The following CBX3 variants were observed in gnomAD, a reference collection of about 807,000 sequenced individuals.
CBX3 encodes chromobox protein homolog 3.
CBX3 carries 5 observed loss-of-function variants against 22.6 expected under a neutral mutation model. The observed-to-expected ratio is 0.22, with a 90% CI of 0.12 to 0.47. The LOEUF (loss-of-function observed/expected upper bound fraction) is 0.47. Ranked by LOEUF, CBX3 falls within the 20% of genes least tolerant of loss-of-function variation. CBX3 has a pLI of 0.99. For synonymous variants in CBX3, 50 were observed against 66.6 expected, an observed-to-expected ratio of 0.75 and a Z score of 1.21; for missense variants, 83 against 208.1, an observed-to-expected ratio of 0.40 and a Z score of 3.70.
At chr7:26,210,553 T>A (rs1784779831) in intron 4 of CBX3, 1 of 152,218 alleles carries the variant, frequency 6.6e-6, no homozygotes, top group Non-Finnish European at 1.5e-5. Context: ...GATGTAAAAC[T>A]CTGACAGGAA....
chr7:26,206,456 G>A lies in CBX3; in HGVS notation c.113G>A (p.Arg38Gln), dbSNP rs1784678853. Residue 38 changes from arginine to glutamine, a missense_variant, in exon 3 of 6, where the codon CGA (arginine) becomes CAA (glutamine). Transcript: ENST00000396386. ...TTTGTCGTGGAAAAAGTACTAGATC[G>A]ACGTGTAGTGAATGGGAAAGTGGAA... ...EEFVVEKVLDRRVVNGKVEYF... is the reference protein window; with the variant it reads ...EEFVVEKVLDQRVVNGKVEYF... The A allele has an allele frequency of 3.7e-6, 6 of 1,613,994 alleles. No individual in the cohort carries two copies. The highest frequency in any genetic ancestry group is 2.2e-5 in the East Asian group (1 of 44,862).
intron 2 of CBX3, among the ~76,000 whole-genome samples, chr7:26,204,765 T>C (rs1361646058): frequency 6.6e-6 from 1 of 152,096 alleles, no homozygotes; most frequent in African/African-American, 2.4e-5. Context: ...AAGGTTTATC[T>C]TTTTTAAATA....
At position 26,212,079 on chromosome 7, in the gene CBX3, C is replaced by A. The variant is rs1784812371; in HGVS notation, c.426-3C>A. Reference sequence around the variant, plus strand: ...AACTGAATTTTTCTTTTTCTTAAAACAGGAAAGATTCAGATGAGGCAGACT... The same window carrying A: ...AACTGAATTTTTCTTTTTCTTAAAAAAGGAAAGATTCAGATGAGGCAGACT... On this transcript the variant is annotated splice_polypyrimidine_tract_variant and splice_region_variant and intron_variant, in intron 5 of 5. Transcript: ENST00000396386. 9.7e-7 allele frequency: 1 copy of A among 1,034,796 alleles called. No homozygotes were observed. The highest frequency in any genetic ancestry group is 1.3e-6 in the Non-Finnish European group (1 of 760,416). The allele number at this position is 1,034,796 out of a possible 1,614,324, so 64.1% of individuals were successfully genotyped here.
intron 5 of CBX3, 92 bp from the exon 6 acceptor site, chr7:26,211,990 T>A (rs1373318557): frequency 8.3e-7 from 1 of 1,200,414 alleles, no homozygotes; most frequent in South Asian, 2.0e-5. Flanking sequence ...CTTCAATACC[T>A]TTTGTTTGGA....
intron 5 of CBX3, 86 bp downstream of exon 5, chr7:26,211,842 GA>G: frequency 9.6e-7 from 1 of 1,046,754 alleles, no homozygotes; most frequent in Non-Finnish European, 1.4e-6. Flanking sequence ...ATTAGGTAGG[GA>G]AAAACTATCT....
Position 26,202,809 on chromosome 7 carries a change from A to G in CBX3, c.-28-162A>G, listed in dbSNP as rs549936180. On this transcript the variant is annotated intron_variant, in intron 1 of 5. Coordinates refer to ENST00000396386, the MANE Select transcript of CBX3 (RefSeq NM_016587.4). ...ACATGGTTAGGACACGTACTTAAGTACATCATAAGCAATGTAGGTAGGAGC... is the reference window on the plus strand; with the variant it reads ...ACATGGTTAGGACACGTACTTAAGTGCATCATAAGCAATGTAGGTAGGAGC... The G allele has an allele frequency of 4.0e-4, 253 of 634,136 alleles. 1 individual carries two copies. In the Middle Eastern group the frequency reaches 0.013, roughly 33 times the overall value. The allele number at this position is 634,136 out of a possible 1,614,324, so 39.3% of individuals were successfully genotyped here.
intron 2 of CBX3, among the ~76,000 whole-genome samples, chr7:26,205,274 C>T (rs150719027): frequency 2.6e-5 from 4 of 152,132 alleles, no homozygotes; most frequent in African/African-American, 4.8e-5. Context: ...TGGTTTCCTG[C>T]TTCTCTTAAA....
rs775068117 is a variant in CBX3 at position 26,202,956 on chromosome 7, C to T, written c.-28-15C>T. On this transcript the variant is annotated splice_polypyrimidine_tract_variant and intron_variant, in intron 1 of 5. Coordinates refer to ENST00000396386, the MANE Select transcript of CBX3 (RefSeq NM_016587.4). The stretch of plus-strand genomic sequence containing the variant: ...TGTCATGCAAACTTACCTTAACTGT[C>T]ATGCATTTTTCTAGTAATAGCTCTT... The T allele has an allele frequency of 3.2e-6, 5 of 1,542,168 alleles. No individual in the cohort carries two copies. Among genetic ancestry groups the T allele is most frequent in the African/African-American group, 2.7e-5 (2 of 73,252 alleles).
intron 4 of CBX3, among the ~76,000 whole-genome samples, chr7:26,209,003 G>A (rs1190118679): frequency 7.8e-6 from 1 of 127,412 alleles, no homozygotes; most frequent in Non-Finnish European, 1.6e-5. Flanking sequence ...TAGTGGTGCA[G>A]TTTCGGCTCA....
rs767568353 is a variant in CBX3, at chr7:26,206,484, T to C, written c.141T>C (p.Tyr47=). The C allele has an allele frequency of 3.7e-6, 6 of 1,613,786 alleles. No homozygotes were observed. Among genetic ancestry groups the C allele is most frequent in the Admixed American group, 3.3e-5 (2 of 59,974 alleles). ...DRRVVNGKVE[Y]FLKWKGFTDA... is the part of the protein sequence containing the mutation. ...GTGTAGTGAATGGGAAAGTGGAATA[T>C]TTCCTGAAGTGGAAGGGATTTACAG... The change falls in exon 3 of 6, where the codon TAT becomes TAC. Residue 47 remains tyrosine, a synonymous_variant. Coordinates refer to ENST00000396386, the MANE Select transcript of CBX3 (RefSeq NM_016587.4).
rs1166461938 is a variant in CBX3 at position 26,213,428 on chromosome 7, C to CT, written c.*1223dup. The CT allele has an allele frequency of 6.6e-6, 1 of 152,224 alleles. No homozygotes were observed. The highest frequency in any genetic ancestry group is 1.5e-5 in the Non-Finnish European group (1 of 68,012). The allele number at this position is 152,224 out of a possible 1,614,324, so 9.4% of individuals were successfully genotyped here. A position where few individuals can be genotyped will look rare whatever the true frequency, so the allele number is the denominator to read the frequency against. Reference sequence around the variant, plus strand: ...GAAATGCCCACACTCATTGGATTATCTTTGTTTATAAGTTAGATGATACCA... The same window carrying CT: ...GAAATGCCCACACTCATTGGATTATCTTTTGTTTATAAGTTAGATGATACCA... On this transcript the variant is annotated 3_prime_UTR_variant, in exon 6 of 6. Transcript: ENST00000396386.
chr7:26,208,141 T>C, intron 3 of CBX3: 1 of 271,090 alleles, frequency 3.7e-6, no homozygotes, highest in Non-Finnish European at 7.1e-6. Context: ...GAGGATCGCT[T>C]GAGTCGGGAG....
At chr7:26,201,642 C>G (rs1197734790), upstream of CBX3, 1 of 145,216 alleles carries the variant, frequency 6.9e-6, no homozygotes. Flanking sequence ...GCCCCTCCCC[C>G]CGCCGGGCGC....
chr7:26,211,979 A>C, intron 5 of CBX3, 103 bp from the exon 6 acceptor site: 1 of 1,039,968 alleles, frequency 9.6e-7, no homozygotes, highest in South Asian at 2.2e-5. Context: ...CTCCTGGAGC[A>C]CTTCAATACC....
At chr7:26,211,940 A>G in intron 5 of CBX3, 142 bp from the exon 6 acceptor site, 2 of 887,740 alleles carry the variant, frequency 2.3e-6, no homozygotes, top group Non-Finnish European at 3.3e-6. Context: ...AATGAAGTTT[A>G]TTAGAACATA....
At chr7:26,211,989 C>T (rs901034901) in intron 5 of CBX3, 93 bp from the exon 6 acceptor site, 2 of 1,192,646 alleles carry the variant, frequency 1.7e-6, no homozygotes, top group African/African-American at 1.6e-5. Flanking sequence ...ACTTCAATAC[C>T]TTTTGTTTGG....
rs1784835283 is a variant in CBX3 at position 26,212,647 on chromosome 7, T to C, written c.*439T>C. On this transcript the variant is annotated 3_prime_UTR_variant, in exon 6 of 6. Transcript: ENST00000396386. ...AATGCATATGTAAATTTTTTTTTGTTTTTAAGCATTCACCCAAACAAAAAA... is the reference window on the plus strand; with the variant it reads ...AATGCATATGTAAATTTTTTTTTGTCTTTAAGCATTCACCCAAACAAAAAA... The C allele has an allele frequency of 6.6e-6, 1 of 152,254 alleles. No homozygotes were observed. Among genetic ancestry groups the C allele is most frequent in the South Asian group, 2.1e-4 (1 of 4,832 alleles). 9.4% of individuals were successfully genotyped at this position (152,254 alleles called of 1,614,324 possible).
intron 4 of CBX3, chr7:26,210,054 CCAAAG>C (rs983093935): frequency 6.6e-6 from 1 of 152,064 alleles, no homozygotes; most frequent in African/African-American, 2.4e-5. Flanking sequence ...CCTTGGGAAA[CCAAAG>C]CAGGAACATC....
chr7:26,206,263 T>A (rs1055464644), intron 2 of CBX3, 105 bp from the exon 3 acceptor site: 200 of 720,102 alleles, frequency 2.8e-4, no homozygotes, highest in Non-Finnish European at 4.7e-5. Context: ...GATATAGAAG[T>A]AAAAATTTAT....
Sources: gnomAD v4.1 joint callset for allele counts (sites outside exome capture counted in the v4.1 genomes callset) on GRCh38, gnomAD v4.1.1 for gene constraint, MANE v1.5 for transcripts, NCBI Gene and HGNC (gene_info 2026-07-23, HGNC 2026-07-21) for gene names.